The following ARHGAP33 variants were observed in gnomAD, a reference collection of about 807,000 sequenced individuals.
ARHGAP33 encodes the protein Rho GTPase activating protein 33.
A neutral mutation model predicts 126.2 loss-of-function variants in ARHGAP33; 57 were observed. The ratio of observed to expected loss-of-function variants is 0.45; its 90% confidence interval spans 0.36 to 0.56. The LOEUF is 0.56. Ranked by LOEUF, ARHGAP33 falls within the 20% of genes least tolerant of loss-of-function variation. The probability of loss-of-function intolerance (pLI) is 0.00; values close to 1 mark genes in which losing one functional copy is unlikely to be tolerated. For missense variants in ARHGAP33, 1,500 were observed against 1,748.3 expected (o/e 0.86, Z 2.53); for synonymous variants, 711 against 755.0 (o/e 0.94, Z 0.95).
rs1246156450 is a variant in ARHGAP33, at chr19:35,782,844, A to G, written c.1396A>G (p.Ile466Val). 2 of 1,613,324 alleles carry G rather than the reference A, an allele frequency of 1.2e-6. No individual in the cohort carries two copies. The highest frequency in any genetic ancestry group is 1.7e-6 in the Non-Finnish European group (2 of 1,179,622). Reference sequence around the variant, plus strand: ...CAGCATGCATGCCCGCAACCTGGCCATTGTCTGGGCACCCAACCTGCTACG... The same window carrying G: ...CAGCATGCATGCCCGCAACCTGGCCGTTGTCTGGGCACCCAACCTGCTACG... ...NTSMHARNLA[I>V]VWAPNLLRSM... Residue 466 changes from isoleucine (I) to valine (V), a missense_variant, in exon 15 of 21, where the codon ATT becomes GTT. By Grantham distance (29) the Ile-to-Val change is conservative (BLOSUM62 3). Around this residue, in one of 6 missense-constraint regions of ARHGAP33, gnomAD observed 281 missense variants for 413.7 expected, o/e 0.68. Transcript: ENST00000007510. This position sits in a 1 kb window ranked among gnomAD's most constrained non-coding sequence, Gnocchi z 4.1.
At position 35,778,491 on chromosome 19, in the gene ARHGAP33, T is replaced by C; in HGVS notation, c.298T>C (p.Tyr100His). ...CCGTTCCTGGCCGGTTCTCCGGAGT[T>C]ACGATGACTTTCGTTCCCTGGATGC... ...QGRSWPVLRS[Y>H]DDFRSLDAHL... Residue 100 changes from tyrosine to histidine, a missense_variant, in exon 5 of 21, where the codon TAC (tyrosine) becomes CAC (histidine). By Grantham distance (83) the Tyr-to-His change is moderately conservative. This residue lies in a region of ARHGAP33 where 129 missense variants were observed against 145.9 expected (regional missense o/e 0.88). Transcript: ENST00000007510. 6.2e-7 allele frequency: 1 copy of C among 1,614,202 alleles called. No homozygotes were observed.
rs1484558945 is a variant in ARHGAP33 at position 35,780,972 on chromosome 19, C to T, written c.882C>T (p.Arg294=). 1 of 1,610,562 alleles carries T rather than the reference C, an allele frequency of 6.2e-7. No homozygotes were observed. ...CCGGCCTGCTCCGCACCTTCATGCG[C>T]TCCCGCCCTTCTCGGCAGCGGCTGC... ...KLAGLLRTFM[R]SRPSRQRLRQ... The change falls in exon 11 of 21, where the codon CGC becomes CGT. Residue 294 remains arginine, a synonymous_variant. Coordinates refer to ENST00000007510, the MANE Select transcript of ARHGAP33 (RefSeq NM_001366178.1).
At position 35,782,401 on chromosome 19, in the gene ARHGAP33, G is replaced by C; in HGVS notation, c.1114G>C (p.Glu372Gln). 1 of 1,609,026 alleles carries C rather than the reference G, an allele frequency of 6.2e-7. No homozygotes were observed. The highest frequency in any genetic ancestry group is 8.5e-7 in the Non-Finnish European group (1 of 1,175,838). ...CGAGTTTGACAGTGAGAGGATCCCGGAGCTGTCTGGCCCTGCATTCCTGCA... is the reference window on the plus strand; with the variant it reads ...CGAGTTTGACAGTGAGAGGATCCCGCAGCTGTCTGGCCCTGCATTCCTGCA... ...RHEFDSERIPELSGPAFLQDI... is the reference protein window; with the variant it reads ...RHEFDSERIPQLSGPAFLQDI... The change falls in exon 13 of 21, where the codon GAG becomes CAG. Residue 372 changes from glutamate to glutamine, a missense_variant. This residue lies in a region of ARHGAP33 where 281 missense variants were observed against 413.7 expected (regional missense o/e 0.68). Transcript: ENST00000007510. The surrounding 1 kb of genome is among the most constrained non-coding windows in gnomAD (Gnocchi z 4.1).
rs759137301 is a variant in ARHGAP33, at chr19:35,787,342, C to T, written c.2777C>T (p.Ala926Val). The stretch of plus-strand genomic sequence containing the variant: ...CAGGAGTGTGGGGGCACCCCACCTG[C>T]TTCCCAATCCCCCTTCCACCGCTCG... ...SQQECGGTPP[A>V]SQSPFHRSLS... The change falls in exon 21 of 21, where the codon GCT becomes GTT. Residue 926 changes from alanine (A) to valine (V), a missense_variant. This residue lies in a region of ARHGAP33 where 642 missense variants were observed against 634.0 expected (regional missense o/e 1.01). Transcript: ENST00000007510. 6 of 1,611,412 alleles carry T rather than the reference C, an allele frequency of 3.7e-6. No individual in the cohort carries two copies. In the Admixed American group the frequency reaches 1.0e-4, roughly 27 times the overall value.
rs1971869767 is a variant in ARHGAP33, at chr19:35,782,786, C to T, written c.1338C>T (p.His446=). 3 of 1,613,736 alleles carry T rather than the reference C, an allele frequency of 1.9e-6. No individual in the cohort carries two copies. The highest frequency in any genetic ancestry group is 2.5e-6 in the Non-Finnish European group (3 of 1,179,786). The change falls in exon 15 of 21, where the codon CAC becomes CAT. Residue 446 remains histidine (H), a synonymous_variant. Transcript: ENST00000007510. This position sits in a 1 kb window ranked among gnomAD's most constrained non-coding sequence, Gnocchi z 4.1. ...GGACCCTGGAGTACCTGCTGAGGCA[C>T]CTGGCCCGCATGGCGAGACACAGTG... ...HYRTLEYLLR[H]LARMARHSAN...
rs920606896 is a variant in ARHGAP33 at position 35,786,701 on chromosome 19, C to T, written c.2231C>T (p.Thr744Ile). ...GLRGLDFDPL[T>I]FRCSSPTPGD... ...CGGGGGCTGGACTTTGATCCCTTAA[C>T]CTTCCGCTGCAGCAGCCCCACCCCA... The change falls in exon 20 of 21, where the codon ACC becomes ATC. Residue 744 changes from threonine (T) to isoleucine (I), a missense_variant. By Grantham distance (89) the Thr-to-Ile change is moderately conservative. Around this residue, in one of 6 missense-constraint regions of ARHGAP33, gnomAD observed 73 missense variants for 110.8 expected, o/e 0.66. Coordinates refer to ENST00000007510, the MANE Select transcript of ARHGAP33 (RefSeq NM_001366178.1). The surrounding 1 kb of genome is among the most constrained non-coding windows in gnomAD (Gnocchi z 7.0). The T allele has an allele frequency of 1.2e-5, 18 of 1,535,198 alleles. No individual in the cohort carries two copies. Among genetic ancestry groups the T allele is most frequent in the Admixed American group, 3.9e-5 (2 of 50,962 alleles).
In ARHGAP33 at chr19:35,780,324, G is replaced by A. The variant is rs1486873485; in HGVS notation, c.615G>A (p.Leu205=). The A allele has an allele frequency of 6.2e-7, 1 of 1,613,600 alleles. No individual in the cohort carries two copies. Among genetic ancestry groups the A allele is most frequent in the African/African-American group, 1.3e-5 (1 of 74,908 alleles). Residue 205 remains leucine, a synonymous_variant, in exon 7 of 21, where the codon CTG becomes CTA. Transcript: ENST00000007510. Reference sequence around the variant, plus strand: ...ATACAGCCCAGGCGCCAGATGAGCTGTCCTTTGAGGTGAGGCTGTGGGGAA... The same window carrying A: ...ATACAGCCCAGGCGCCAGATGAGCTATCCTTTGAGGTGAGGCTGTGGGGAA... ...KRYTAQAPDE[L]SFEVGDIVSV... is the part of the protein sequence containing the mutation.
intron 5 of ARHGAP33, 150 bp downstream of exon 5, chr19:35,778,751 T>A: frequency 1.7e-6 from 2 of 1,185,868 alleles, no homozygotes; most frequent in Non-Finnish European, 2.3e-6. Flanking sequence ...CTTAGAAACG[T>A]AGTAGGCTTC....
At chr19:35,784,426 C>A (rs1287452759) in intron 16 of ARHGAP33, 109 bp downstream of exon 16, 3 of 1,430,344 alleles carry the variant, frequency 2.1e-6, no homozygotes, top group Non-Finnish European at 2.7e-6. Flanking sequence ...GAAGCTGGGC[C>A]TCCCTCCGGC....
chr19:35,783,273 T>C (rs1234612730), intron 15 of ARHGAP33, among the ~76,000 whole-genome samples: 1 of 152,154 alleles, frequency 6.6e-6, no homozygotes. Context: ...GAGACAGGCA[T>C]GATCTCTCCC....
Position 35,787,448 on chromosome 19 carries a change from C to G in ARHGAP33, c.2883C>G (p.Ala961=). The change falls in exon 21 of 21, where the codon GCC becomes GCG. Residue 961 remains alanine, a synonymous_variant. Transcript: ENST00000007510. ...CCAACTCCCTAGCACACCCGGGTGC[C>G]TGGGTCCCGGGACCCCCACCCTACT... ...PPPNSLAHPG[A]WVPGPPPYLP... 6.2e-7 allele frequency: 1 copy of G among 1,612,252 alleles called. No homozygotes were observed. The highest frequency in any genetic ancestry group is 8.5e-7 in the Non-Finnish European group (1 of 1,179,342).
Position 35,787,154 on chromosome 19 carries a change from A to G in ARHGAP33, c.2603-14A>G, listed in dbSNP as rs1972161449. The G allele has an allele frequency of 1.9e-6, 3 of 1,604,924 alleles. No individual in the cohort carries two copies. Among genetic ancestry groups the G allele is most frequent in the Non-Finnish European group, 2.5e-6 (3 of 1,176,700 alleles). On this transcript the variant is annotated splice_polypyrimidine_tract_variant and intron_variant, in intron 20 of 20. Transcript: ENST00000007510. ...CCTGGCCCCAGCTGAACCCCTCTCC[A>G]TTCATTTATATAGGTCCTGATATGG...
At chr19:35,784,618 C>T in intron 16 of ARHGAP33, 1 of 1,299,048 alleles carries the variant, frequency 7.7e-7, no homozygotes, top group Non-Finnish European at 9.7e-7. Context: ...CCAGACTTGA[C>T]CCCGCCCCGG....
Position 35,786,726 on chromosome 19 carries a change from A to T in ARHGAP33, c.2256A>T (p.Pro752=). The change falls in exon 20 of 21, where the codon CCA becomes CCT. Residue 752 remains proline, a synonymous_variant. Coordinates refer to ENST00000007510, the MANE Select transcript of ARHGAP33 (RefSeq NM_001366178.1). This position sits in a 1 kb window ranked among gnomAD's most constrained non-coding sequence, Gnocchi z 7.0. The part of the protein sequence containing the change: ...PLTFRCSSPT[P]GDPAPPASPA... Reference sequence around the variant, plus strand: ...CCTTCCGCTGCAGCAGCCCCACCCCAGGGGATCCCGCACCTCCCGCCAGCC... The same window carrying T: ...CCTTCCGCTGCAGCAGCCCCACCCCTGGGGATCCCGCACCTCCCGCCAGCC... The T allele has an allele frequency of 6.5e-7, 1 of 1,530,652 alleles. No homozygotes were observed. The highest frequency in any genetic ancestry group is 2.5e-5 in the East Asian group (1 of 40,794). The allele number at this position is 1,530,652 out of a possible 1,614,324, so 94.8% of individuals were successfully genotyped here. A position where few individuals can be genotyped will look rare whatever the true frequency, so the allele number is the denominator to read the frequency against.
intron 1 of ARHGAP33, 74 bp downstream of exon 1, chr19:35,775,738 C>A: frequency 7.1e-7 from 1 of 1,403,380 alleles, no homozygotes; most frequent in Non-Finnish European, 9.5e-7. Context: ...GCCCCGCGCG[C>A]CCCGCCCCCG....
chr19:35,777,259 A>T lies in ARHGAP33; in HGVS notation c.7-386A>T, dbSNP rs529921392. Among the ~76,000 whole-genome samples the T allele has an allele frequency of 7.6e-4, 115 of 152,292 alleles. 1 individual carries two copies. Among genetic ancestry groups the T allele is most frequent in the Middle Eastern group, 3.4e-3 (1 of 294 alleles). ...CTGAAAACGATCCAGGCTATTGCGG[A>T]AAAGCTGGCAGGAGGGGAGAGGCTG... On this transcript the variant is annotated intron_variant, in intron 1 of 20. Transcript: ENST00000007510.
rs746642850 is a variant in ARHGAP33, at chr19:35,787,757, C to T, written c.3192C>T (p.Ser1064=). Residue 1064 remains serine, a synonymous_variant, in exon 21 of 21, where the codon TCC becomes TCT. Coordinates refer to ENST00000007510, the MANE Select transcript of ARHGAP33 (RefSeq NM_001366178.1). ...PLGPPSFQPS[S]PAPVWRSSLG... ...GCCCCCCATCCTTCCAGCCCAGTTC[C>T]CCAGCCCCAGTCTGGAGGAGCTCTC... 6.3e-7 allele frequency: 1 copy of T among 1,582,554 alleles called. No homozygotes were observed. The highest frequency in any genetic ancestry group is 1.2e-5 in the South Asian group (1 of 86,290).
Position 35,788,363 on chromosome 19 carries a change from C to T in ARHGAP33, c.3798C>T (p.Pro1266=). The T allele has an allele frequency of 6.3e-7, 1 of 1,599,628 alleles. No individual in the cohort carries two copies. The change falls in exon 21 of 21, where the codon CCC becomes CCT. Residue 1266 remains proline, a synonymous_variant. Coordinates refer to ENST00000007510, the MANE Select transcript of ARHGAP33 (RefSeq NM_001366178.1). ...NGGQRGEGAG[P]PPPYPTPSWS... ...GGCAAAGAGGGGAGGGGGCTGGTCCCCCACCCCCTTACCCCACTCCCAGCT... is the reference window on the plus strand; with the variant it reads ...GGCAAAGAGGGGAGGGGGCTGGTCCTCCACCCCCTTACCCCACTCCCAGCT...
chr19:35,776,096 A>AC (rs1193259907), intron 1 of ARHGAP33, among the ~76,000 whole-genome samples: 1 of 24,644 alleles, frequency 4.1e-5, no homozygotes, highest in Non-Finnish European at 7.9e-5. Flanking sequence ...CCCGAGCCCC[A>AC]CCCCCCACCC....
Sources: allele counts gnomAD v4.1 joint callset (sites outside exome capture counted in the v4.1 genomes callset), GRCh38; gene constraint gnomAD v4.1.1; regional missense constraint gnomAD v4.1.1; non-coding constraint Gnocchi (gnomAD v3.1); transcripts MANE v1.5; gene names NCBI Gene and HGNC (gene_info 2026-07-23, HGNC 2026-07-21).